Variants in PDZD2 observed in about 807,000 individuals in gnomAD.
PDZD2 encodes the protein PDZ domain-containing protein 2.
Under a neutral mutation model 220.7 loss-of-function variants are expected in PDZD2, and 90 were observed. The ratio of observed to expected loss-of-function variants is 0.41; its 90% CI spans 0.34 to 0.49. The LOEUF is 0.49. Ranked by LOEUF, PDZD2 falls within the 20% of genes least tolerant of loss-of-function variation. PDZD2 has a pLI of 0.28. For missense variants in PDZD2, 3,174 were observed against 3,608.5 expected (o/e 0.88, Z 3.08); for synonymous variants, 1,375 against 1,450.5 (o/e 0.95, Z 1.18).
chr5:32,002,905 C>CACACA (rs1752348718), intron 5 of PDZD2, among the ~76,000 whole-genome samples: 1 of 17,874 alleles, frequency 5.6e-5, no homozygotes, highest in African/African-American at 1.9e-4. Context: ...ACACACACCC[C>CACACA]CACCACACAC....
chr5:31,647,986 G>T lies in PDZD2; in HGVS notation c.-361+8549G>T, dbSNP rs184803274. 3.9e-4 allele frequency among the ~76,000 whole-genome samples: 60 copies of T among 152,338 alleles called. 1 individual carries two copies. The highest frequency in any genetic ancestry group is 6.8e-3 in the Middle Eastern group (2 of 294). ...TAAATGTGCTCCGTGATTGTTCACG[G>T]TATGAATGGAGGGCAGCATGGCTGG... On this transcript the variant is annotated intron_variant, in intron 1 of 24. Coordinates refer to ENST00000438447, the MANE Select transcript of PDZD2 (RefSeq NM_178140.4).
Position 31,908,558 on chromosome 5 carries a change from G to A in PDZD2, c.477-74597G>A, listed in dbSNP as rs1239797939. ...GGCACGGAAAGCACAGTAATGGCTG[G>A]TGTTGATACTGTCATGAACCATCAC... On this transcript the variant is annotated intron_variant, in intron 2 of 24. Coordinates refer to ENST00000438447, the MANE Select transcript of PDZD2 (RefSeq NM_178140.4). The A allele has an allele frequency of 4.0e-5, 39 of 978,460 alleles. No individual in the cohort carries two copies. The East Asian group carries it at 1.1e-3, about 28-fold the overall frequency. The allele number at this position is 978,460 out of a possible 1,614,324, so 60.6% of individuals were successfully genotyped here. A position where few individuals can be genotyped will look rare whatever the true frequency, so the allele number is the denominator to read the frequency against.
At chr5:32,002,206 A>C (rs1752186274) in intron 5 of PDZD2, among the ~76,000 whole-genome samples, 1 of 152,150 alleles carries the variant, frequency 6.6e-6, no homozygotes, top group Admixed American at 6.5e-5. Flanking sequence ...TCAGACTTCC[A>C]AAGAGAATCT....
chr5:31,914,563 G>A (rs1405026516), intron 2 of PDZD2, among the ~76,000 whole-genome samples: 1 of 152,118 alleles, frequency 6.6e-6, no homozygotes, highest in East Asian at 1.9e-4. Flanking sequence ...CCTAACACAG[G>A]GATCTCATTT....
chr5:31,771,373 T>C lies in PDZD2; in HGVS notation c.-360-27516T>C, dbSNP rs529082223. Among the ~76,000 whole-genome samples the C allele has an allele frequency of 2.0e-5, 3 of 152,352 alleles. No individual in the cohort carries two copies. The South Asian group carries it at 6.2e-4, about 32-fold the overall frequency. On this transcript the variant is annotated intron_variant, in intron 1 of 24. Transcript: ENST00000438447. ...AGTAACACTGAGTCAGTGCCTACTA[T>C]GCATGGGGCACTGGGTTTATTAAAG...
chr5:32,047,455 T>C (rs1048429862), intron 7 of PDZD2, among the ~76,000 whole-genome samples: 3 of 152,218 alleles, frequency 2.0e-5, no homozygotes, highest in Non-Finnish European at 4.4e-5. Context: ...AGATCAAGGT[T>C]CAGCAAGCTC....
chr5:31,869,628 G>T (rs1316336193), intron 2 of PDZD2, among the ~76,000 whole-genome samples: 1 of 152,172 alleles, frequency 6.6e-6, no homozygotes, highest in Non-Finnish European at 1.5e-5. Flanking sequence ...TTTATAGCTT[G>T]GAATATTGTC....
intron 1 of PDZD2, among the ~76,000 whole-genome samples, chr5:31,699,768 T>G (rs1428579996): frequency 4.4e-5 from 4 of 90,340 alleles, no homozygotes; most frequent in South Asian, 6.8e-4. Flanking sequence ...TGCCTGGCTG[T>G]TTTTTTTTGT....
chr5:31,919,503 C>T (rs1209260269), intron 2 of PDZD2, among the ~76,000 whole-genome samples: 1 of 151,984 alleles, frequency 6.6e-6, no homozygotes, highest in Non-Finnish European at 1.5e-5. Context: ...CACGCCACCA[C>T]GCCCAGCTAA....
intron 14 of PDZD2, 107 bp downstream of exon 14, chr5:32,061,241 CTA>C: frequency 1.0e-6 from 1 of 1,004,314 alleles, no homozygotes; most frequent in South Asian, 1.5e-5. Context: ...GGCAGGCAAC[CTA>C]CGGGTGGTTC....
chr5:31,711,201 A>C (rs1580601450), intron 1 of PDZD2, among the ~76,000 whole-genome samples: 1 of 152,146 alleles, frequency 6.6e-6, no homozygotes, highest in East Asian at 1.9e-4. Flanking sequence ...CCTTTTTCCT[A>C]AGACAAAACC....
chr5:31,799,910 G>C (rs1010892023), intron 2 of PDZD2, among the ~76,000 whole-genome samples, 186 bp downstream of exon 2: 1 of 152,160 alleles, frequency 6.6e-6, no homozygotes, highest in Non-Finnish European at 1.5e-5. Flanking sequence ...CAAAGGTTGG[G>C]TCTTGGATGT....
At chr5:31,856,641 C>T (rs998032134) in intron 2 of PDZD2, among the ~76,000 whole-genome samples, 7 of 152,128 alleles carry the variant, frequency 4.6e-5, no homozygotes, top group Admixed American at 1.3e-4. Context: ...CACGTAGTAG[C>T]GCTTCCCTTG....
chr5:32,013,344 T>C (rs1444310302), intron 6 of PDZD2, among the ~76,000 whole-genome samples: 2 of 150,602 alleles, frequency 1.3e-5, no homozygotes, highest in Admixed American at 1.3e-4. Flanking sequence ...TTTTTGACAT[T>C]TCCTTACATG....
intron 1 of PDZD2, among the ~76,000 whole-genome samples, chr5:31,708,973 C>T (rs372967064): frequency 6.1e-5 from 9 of 148,582 alleles, no homozygotes; most frequent in East Asian, 2.0e-4. Flanking sequence ...CTGCAACCTC[C>T]GCCTCCCGGG....
chr5:31,859,936 G>A (rs1411777509), intron 2 of PDZD2, among the ~76,000 whole-genome samples: 1 of 152,140 alleles, frequency 6.6e-6, no homozygotes, highest in African/African-American at 2.4e-5. Context: ...AAGCTCTCAG[G>A]TGATTGAAAT....
chr5:31,783,807 T>G (rs116469223), intron 1 of PDZD2, among the ~76,000 whole-genome samples: 2,901 of 152,300 alleles, frequency 0.019, 81 homozygotes, highest in African/African-American at 0.067. Flanking sequence ...CTTGTGCCTA[T>G]GTTGTCTCTA....
chr5:31,718,443 A>G (rs777060738), intron 1 of PDZD2, among the ~76,000 whole-genome samples: 9 of 152,336 alleles, frequency 5.9e-5, no homozygotes, highest in South Asian at 4.1e-4. Flanking sequence ...CTGCCATAAC[A>G]AAGTACCACA....
At chr5:31,745,785 G>A (rs1242943540) in intron 1 of PDZD2, among the ~76,000 whole-genome samples, 1 of 149,924 alleles carries the variant, frequency 6.7e-6, no homozygotes, top group Non-Finnish European at 1.5e-5. Context: ...TTTGTGGTAA[G>A]GTGTTTCCTA....
Sources: allele counts gnomAD v4.1 joint callset (sites outside exome capture counted in the v4.1 genomes callset), GRCh38; gene constraint gnomAD v4.1.1; transcripts MANE v1.5; gene names NCBI Gene and HGNC (gene_info 2026-07-23, HGNC 2026-07-21).